Variants in CYP7B1 observed in about 807,000 individuals in gnomAD.
CYP7B1 encodes the protein cytochrome P450 7B1.
A neutral mutation model predicts 42.7 loss-of-function variants in CYP7B1; 29 were observed. That is an observed-to-expected ratio of 0.68 (90% CI 0.51 to 0.93). The LOEUF is 0.93. Among genes scored for constraint, CYP7B1 ranks in the 40% least tolerant of loss-of-function variants. The pLI, the probability that CYP7B1 is intolerant of heterozygous loss-of-function variation, is 0.00. For synonymous variants in CYP7B1, 235 were observed against 218.2 expected (o/e 1.08, Z -0.68); for missense variants, 655 against 600.5 (o/e 1.09, Z -0.95).
intron 1 of CYP7B1, among the ~76,000 whole-genome samples, chr8:64,747,636 G>A (rs1438160368): frequency 6.6e-6 from 1 of 151,678 alleles, no homozygotes; most frequent in Admixed American, 6.6e-5. Context: ...TGTATAAGTG[G>A]AACCGTGCAG....
At chr8:64,765,984 T>A (rs545196214) in intron 1 of CYP7B1, among the ~76,000 whole-genome samples, 1 of 152,294 alleles carries the variant, frequency 6.6e-6, no homozygotes, top group Admixed American at 6.5e-5. Flanking sequence ...GATTAGACAC[T>A]AGCCCCAAAT....
chr8:64,616,338 A>G, intron 2 of CYP7B1, 57 bp from the exon 3 acceptor site: 1 of 1,068,580 alleles, frequency 9.4e-7, no homozygotes, highest in Non-Finnish European at 1.4e-6. Context: ...AAACAGAAAT[A>G]AACACCACAA....
chr8:64,669,988 T>C (rs946014482), intron 1 of CYP7B1, among the ~76,000 whole-genome samples: 20 of 152,346 alleles, frequency 1.3e-4, no homozygotes, highest in African/African-American at 4.8e-4. Flanking sequence ...TAGAATTAAA[T>C]GTAAGATTGT....
intron 1 of CYP7B1, among the ~76,000 whole-genome samples, chr8:64,740,909 AT>A (rs2129633277): frequency 6.6e-6 from 1 of 152,232 alleles, no homozygotes; most frequent in African/African-American, 2.4e-5. Context: ...TAAATGGCAA[AT>A]TTTTTCAATC....
Position 64,598,599 on chromosome 8 carries a change from C to T in CYP7B1, c.1234-1670G>A, listed in dbSNP as rs566434526. Reference sequence around the variant, plus strand: ...TTATGACTTTTTAGTGTCTTGATATCATAAATAAGCCAGAAATCACCATGG... The same window carrying T: ...TTATGACTTTTTAGTGTCTTGATATTATAAATAAGCCAGAAATCACCATGG... On this transcript the variant is annotated intron_variant, in intron 5 of 5. Transcript: ENST00000310193. 2.4e-4 allele frequency among the ~76,000 whole-genome samples: 36 copies of T among 152,294 alleles called. No individual in the cohort carries two copies. The South Asian group carries it at 7.3e-3, about 31-fold the overall frequency.
Position 64,615,244 on chromosome 8 carries a change from T to G in CYP7B1, c.851-12A>C. ...GCCTAAATGATGTGCTGGGAGAAAA[T>G]AAGTGAAAAGGAAGATTAATAGCGT... On this transcript the variant is annotated splice_polypyrimidine_tract_variant and intron_variant, in intron 3 of 5. Coordinates refer to ENST00000310193, the MANE Select transcript of CYP7B1 (RefSeq NM_004820.5). 2 of 1,608,442 alleles carry G rather than the reference T, an allele frequency of 1.2e-6. No individual in the cohort carries two copies. The highest frequency in any genetic ancestry group is 1.7e-6 in the Non-Finnish European group (2 of 1,176,460).
rs375832301 is a variant in CYP7B1 at position 64,591,797 on chromosome 8, G to T, written c.*4845C>A. ...TAACCACTTCAGGGCTTTAGTTTCT[G>T]CTGAGTGTTTCATTACGTTGGTCAT... On this transcript the variant is annotated 3_prime_UTR_variant, in exon 6 of 6. Transcript: ENST00000310193. 1.1e-4 allele frequency among the ~76,000 whole-genome samples: 16 copies of T among 152,266 alleles called. No individual in the cohort carries two copies. The highest frequency in any genetic ancestry group is 3.9e-4 in the African/African-American group (16 of 41,548).
Position 64,624,852 on chromosome 8 carries a change from C to A in CYP7B1, c.123-313G>T, listed in dbSNP as rs1307624901. On this transcript the variant is annotated intron_variant, in intron 1 of 5. Coordinates refer to ENST00000310193, the MANE Select transcript of CYP7B1 (RefSeq NM_004820.5). ...GATTTTGGTTTACCCATCACCCGAG[C>A]AATGTAACTGTACCCAATATGTAGT... 4.6e-5 allele frequency among the ~76,000 whole-genome samples: 7 copies of A among 151,188 alleles called. No homozygotes were observed. In the East Asian group the frequency reaches 1.4e-3, roughly 29 times the overall value.
chr8:64,621,734 ATTT>A (rs201366655), intron 2 of CYP7B1, among the ~76,000 whole-genome samples: 6 of 132,598 alleles, frequency 4.5e-5, no homozygotes, highest in Admixed American at 7.8e-5. Flanking sequence ...AATGCATACA[ATTT>A]TTTTTTTTTT....
At chr8:64,597,053 A>G in intron 5 of CYP7B1, 124 bp from the exon 6 acceptor site, 1 of 814,800 alleles carries the variant, frequency 1.2e-6, no homozygotes, top group South Asian at 2.1e-5. Flanking sequence ...AACACCAGAA[A>G]AACTTGGCTG....
Position 64,683,684 on chromosome 8 carries a change from G to A in CYP7B1, c.123-59145C>T, listed in dbSNP as rs544840667. Reference sequence around the variant, plus strand: ...CCATGATGGGCTTATTAAACATTGCGTGTCTGCATCAAAGCATCCTGTGTA... The same window carrying A: ...CCATGATGGGCTTATTAAACATTGCATGTCTGCATCAAAGCATCCTGTGTA... On this transcript the variant is annotated intron_variant, in intron 1 of 5. Transcript: ENST00000310193. Among the ~76,000 whole-genome samples, 16 of 152,212 alleles carry A rather than the reference G, an allele frequency of 1.1e-4. No individual in the cohort carries two copies. The South Asian group carries it at 2.9e-3, about 28-fold the overall frequency.
intron 1 of CYP7B1, among the ~76,000 whole-genome samples, chr8:64,768,436 AT>A (rs1359884436): frequency 1.3e-5 from 2 of 151,982 alleles, no homozygotes; most frequent in African/African-American, 4.8e-5. Flanking sequence ...CATTTTCAAT[AT>A]TTAGTTTGTT....
At chr8:64,774,439 G>A (rs979916128) in intron 1 of CYP7B1, among the ~76,000 whole-genome samples, 3 of 152,146 alleles carry the variant, frequency 2.0e-5, no homozygotes, top group African/African-American at 7.2e-5. Context: ...TTGCCTTAGT[G>A]ATTGTTGGAA....
chr8:64,749,076 T>A (rs1807689841), intron 1 of CYP7B1, among the ~76,000 whole-genome samples: 1 of 151,620 alleles, frequency 6.6e-6, no homozygotes, highest in African/African-American at 2.4e-5. Flanking sequence ...TATTTTCTTT[T>A]TTTTCTTTTT....
chr8:64,784,808 A>G (rs765906777), intron 1 of CYP7B1, among the ~76,000 whole-genome samples: 5 of 152,216 alleles, frequency 3.3e-5, no homozygotes, highest in East Asian at 1.9e-4. Flanking sequence ...ACTTTACGAA[A>G]AAAAGTTAAA....
chr8:64,731,680 A>G (rs191908132), intron 1 of CYP7B1, among the ~76,000 whole-genome samples: 1 of 152,354 alleles, frequency 6.6e-6, no homozygotes, highest in East Asian at 1.9e-4. Context: ...GGCATGTCGG[A>G]GACCTTCACA....
chr8:64,678,535 T>C (rs1296064738), intron 1 of CYP7B1, among the ~76,000 whole-genome samples: 1 of 152,160 alleles, frequency 6.6e-6, no homozygotes, highest in Non-Finnish European at 1.5e-5. Flanking sequence ...TTTCCCAGGA[T>C]ATTTTGAACA....
chr8:64,636,394 T>TA (rs1199330814), intron 1 of CYP7B1, among the ~76,000 whole-genome samples: 1 of 152,178 alleles, frequency 6.6e-6, no homozygotes, highest in Non-Finnish European at 1.5e-5. Context: ...TTGATGAATA[T>TA]AAAAAACTGA....
At chr8:64,724,622 T>C (rs1251418532) in intron 1 of CYP7B1, among the ~76,000 whole-genome samples, 1 of 152,234 alleles carries the variant, frequency 6.6e-6, no homozygotes, top group African/African-American at 2.4e-5. Context: ...CTTTTCAGGT[T>C]AACAGGCAGC....
Sources: allele counts gnomAD v4.1 joint callset (sites outside exome capture counted in the v4.1 genomes callset), GRCh38; gene constraint gnomAD v4.1.1; transcripts MANE v1.5; gene names NCBI Gene and HGNC (gene_info 2026-07-23, HGNC 2026-07-21).